CACNA2D3: variants seen among roughly 807,000 people sequenced by gnomAD.
CACNA2D3 encodes the protein voltage-dependent calcium channel subunit alpha-2/delta-3.
In CACNA2D3, 60 loss-of-function variants were observed where a neutral mutation model predicts 160.6. That is an observed-to-expected ratio of 0.37 (90% CI 0.30 to 0.46). The LOEUF is 0.46. Among genes scored for constraint, CACNA2D3 ranks in the 20% least tolerant of loss-of-function variants. CACNA2D3 has a pLI of 1.00. For synonymous variants in CACNA2D3, 558 were observed against 492.9 expected (o/e 1.13, Z -1.75); for missense variants, 1,205 against 1,365.0 (o/e 0.88, Z 1.85).
chr3:54,546,373 C>T (rs1702064714), intron 5 of CACNA2D3, among the ~76,000 whole-genome samples: 2 of 152,124 alleles, frequency 1.3e-5, no homozygotes, highest in Admixed American at 6.5e-5. Flanking sequence ...TGGGAAGACA[C>T]CTAACTTGAA....
intron 24 of CACNA2D3, 146 bp downstream of exon 24, chr3:54,888,198 G>A (rs547013588): frequency 1.0e-4 from 65 of 642,630 alleles, no homozygotes; most frequent in African/African-American, 6.0e-4. Context: ...ACAAGAGCTA[G>A]AGCAGATTAG....
chr3:54,162,145 C>T (rs2107298405), intron 2 of CACNA2D3, among the ~76,000 whole-genome samples: 1 of 152,312 alleles, frequency 6.6e-6, no homozygotes, highest in Admixed American at 6.5e-5. Flanking sequence ...CTGCTTTGTC[C>T]CAGGTTTGGG....
chr3:54,368,959 C>T (rs1312337409), intron 3 of CACNA2D3, among the ~76,000 whole-genome samples: 3 of 151,876 alleles, frequency 2.0e-5, no homozygotes, highest in African/African-American at 7.3e-5. Flanking sequence ...CCTCAGCCTC[C>T]CAAAGTGCTG....
intron 4 of CACNA2D3, among the ~76,000 whole-genome samples, chr3:54,424,828 T>C (rs1281860207): frequency 6.6e-6 from 1 of 152,138 alleles, no homozygotes; most frequent in African/African-American, 2.4e-5. Flanking sequence ...ATCCCCACTT[T>C]CCTGCATTCT....
intron 24 of CACNA2D3, 123 bp from the exon 25 acceptor site, chr3:54,891,232 T>G (rs1324661141): frequency 1.1e-5 from 7 of 634,806 alleles, no homozygotes; most frequent in Non-Finnish European, 2.0e-5. Context: ...TTTCTGTATC[T>G]TCTTTTAAAG....
chr3:54,285,150 C>T (rs56062368), intron 2 of CACNA2D3, among the ~76,000 whole-genome samples: 31,460 of 152,076 alleles, frequency 0.21, 3,449 homozygotes, highest in South Asian at 0.32. Context: ...ACTCGGGAAG[C>T]GCAAGGGGTC....
rs148145969 is a variant in CACNA2D3 at position 54,327,638 on chromosome 3, T to C, written c.321+7080T>C. On this transcript the variant is annotated intron_variant, in intron 3 of 37. Coordinates refer to ENST00000474759, the MANE Select transcript of CACNA2D3 (RefSeq NM_018398.3). ...TAATGCTTTTTGTTTTTACTGGTTATAAAAGTAATACATATTCATCGTGAA... is the reference window on the plus strand; with the variant it reads ...TAATGCTTTTTGTTTTTACTGGTTACAAAAGTAATACATATTCATCGTGAA... Among the ~76,000 whole-genome samples, 152 of 152,324 alleles carry C rather than the reference T, an allele frequency of 1.0e-3. 1 individual carries two copies. The highest frequency in any genetic ancestry group is 3.4e-3 in the African/African-American group (141 of 41,564).
At chr3:54,539,655 T>C (rs2106659388) in intron 5 of CACNA2D3, among the ~76,000 whole-genome samples, 1 of 152,354 alleles carries the variant, frequency 6.6e-6, no homozygotes, top group East Asian at 1.9e-4. Context: ...GGTGAGAATA[T>C]GTTCTGAATA....
intron 4 of CACNA2D3, among the ~76,000 whole-genome samples, chr3:54,402,847 G>T (rs963020058): frequency 1.3e-5 from 2 of 152,154 alleles, no homozygotes; most frequent in Non-Finnish European, 2.9e-5. Context: ...TAGTGCACGT[G>T]GAACATTCTC....
intron 2 of CACNA2D3, among the ~76,000 whole-genome samples, chr3:54,138,209 A>T (rs1047296083): frequency 1.3e-5 from 2 of 152,208 alleles, no homozygotes; most frequent in African/African-American, 4.8e-5. Flanking sequence ...TGGACTCTCA[A>T]CTGCATTTGC....
intron 31 of CACNA2D3, among the ~76,000 whole-genome samples, chr3:55,000,301 A>G (rs1299099632): frequency 1.3e-5 from 2 of 152,214 alleles, no homozygotes; most frequent in Non-Finnish European, 2.9e-5. Flanking sequence ...CTCCTGCTGC[A>G]ATATCTAGTT....
At chr3:54,294,962 CTTT>C (rs11391376) in intron 2 of CACNA2D3, among the ~76,000 whole-genome samples, 1 of 150,204 alleles carries the variant, frequency 6.7e-6, no homozygotes, top group Non-Finnish European at 1.5e-5. Flanking sequence ...CTTGCTTCCA[CTTT>C]TTTTTTTCAT....
intron 9 of CACNA2D3, among the ~76,000 whole-genome samples, chr3:54,585,116 G>A (rs965638437): frequency 5.3e-5 from 8 of 152,190 alleles, no homozygotes; most frequent in Non-Finnish European, 2.9e-5. Context: ...TACAATTAGA[G>A]TATCCTAATT....
Position 54,290,386 on chromosome 3 carries a change from G to A in CACNA2D3, c.205-30056G>A, listed in dbSNP as rs375660581. The stretch of plus-strand genomic sequence containing the variant: ...ACCATCTCACACCGGTTAGAATGGC[G>A]GTCATTAAAAAGTCAGGAAACAACA... On this transcript the variant is annotated intron_variant, in intron 2 of 37. Coordinates refer to ENST00000474759, the MANE Select transcript of CACNA2D3 (RefSeq NM_018398.3). Among the ~76,000 whole-genome samples the A allele has an allele frequency of 3.5e-4, 54 of 152,170 alleles. 3 individuals are homozygous for A. The highest frequency in any genetic ancestry group is 6.8e-3 in the Middle Eastern group (2 of 294).
intron 20 of CACNA2D3, among the ~76,000 whole-genome samples, chr3:54,880,072 C>T (rs778918638): frequency 6.6e-6 from 1 of 152,220 alleles, no homozygotes; most frequent in Non-Finnish European, 1.5e-5. Context: ...AGTTTACTGA[C>T]TGTAGAATAA....
intron 2 of CACNA2D3, among the ~76,000 whole-genome samples, chr3:54,189,378 C>T (rs1700939808): frequency 6.6e-6 from 1 of 152,166 alleles, no homozygotes; most frequent in African/African-American, 2.4e-5. Flanking sequence ...TAACTCTCCT[C>T]CATGGTAGAT....
chr3:54,689,495 GA>G (rs754958159), intron 11 of CACNA2D3, among the ~76,000 whole-genome samples: 2 of 152,012 alleles, frequency 1.3e-5, no homozygotes, highest in Non-Finnish European at 2.9e-5. Context: ...TCTCTGCCTG[GA>G]TGTCTAATGG....
At chr3:54,523,276 C>A (rs1483139485) in intron 5 of CACNA2D3, among the ~76,000 whole-genome samples, 1 of 151,998 alleles carries the variant, frequency 6.6e-6, no homozygotes, top group Non-Finnish European at 1.5e-5. Flanking sequence ...TTGTCAAATG[C>A]TTTTGCTGCA....
intron 35 of CACNA2D3, among the ~76,000 whole-genome samples, chr3:55,036,930 G>C (rs1422726045): frequency 6.6e-6 from 1 of 152,108 alleles, no homozygotes; most frequent in African/African-American, 2.4e-5. Flanking sequence ...AGAAGTGTAT[G>C]ATTCTGGGTC....
Sources: gnomAD v4.1 joint callset for allele counts (sites outside exome capture counted in the v4.1 genomes callset) on GRCh38, gnomAD v4.1.1 for gene constraint, MANE v1.5 for transcripts, NCBI Gene and HGNC (gene_info 2026-07-23, HGNC 2026-07-21) for gene names.